The following KIAA1217 variants were observed in gnomAD, a reference collection of about 807,000 sequenced individuals.
KIAA1217 encodes KIAA1217, also known as sickle tail protein homolog.
In KIAA1217, 88 loss-of-function variants were observed where a neutral mutation model predicts 163.9. The observed-to-expected ratio is 0.54, with a 90% CI of 0.45 to 0.64. The LOEUF is 0.64. Among genes scored for constraint, KIAA1217 ranks in the 30% least tolerant of loss-of-function variants. KIAA1217 has a pLI of 0.00. For missense variants in KIAA1217, 2,372 were observed against 2,475.0 expected (o/e 0.96, Z 0.88); for synonymous variants, 903 against 923.1 (o/e 0.98, Z 0.39).
intron 1 of KIAA1217, among the ~76,000 whole-genome samples, chr10:23,874,294 A>G (rs1409091904): frequency 1.3e-5 from 2 of 151,946 alleles, no homozygotes; most frequent in African/African-American, 2.4e-5. Flanking sequence ...TTCTGAGCAA[A>G]GCTGTCACTT....
intron 1 of KIAA1217, among the ~76,000 whole-genome samples, chr10:23,960,073 G>A (rs1030230221): frequency 5.3e-5 from 8 of 150,734 alleles, no homozygotes; most frequent in Non-Finnish European, 3.0e-5. Flanking sequence ...CTGCCACCAC[G>A]CCCGGCTAAT....
At chr10:23,829,578 A>G (rs958942938) in intron 1 of KIAA1217, among the ~76,000 whole-genome samples, 11 of 152,302 alleles carry the variant, frequency 7.2e-5, no homozygotes, top group African/African-American at 1.9e-4. Flanking sequence ...TTTTTGCATG[A>G]CTCACTATTT....
At chr10:24,068,232 G>A (rs981365444) in intron 2 of KIAA1217, among the ~76,000 whole-genome samples, 4 of 152,162 alleles carry the variant, frequency 2.6e-5, no homozygotes, top group East Asian at 1.9e-4. Flanking sequence ...CTTCTGCGTC[G>A]CTCACACTGG....
intron 1 of KIAA1217, among the ~76,000 whole-genome samples, chr10:23,949,161 T>C (rs1256714854): frequency 2.6e-5 from 4 of 152,332 alleles, no homozygotes; most frequent in Non-Finnish European, 5.9e-5. Context: ...TGAAGTCTTC[T>C]TCAATACATT....
chr10:23,972,486 A>G (rs1368823994), intron 1 of KIAA1217, among the ~76,000 whole-genome samples: 2 of 152,174 alleles, frequency 1.3e-5, no homozygotes, highest in African/African-American at 4.8e-5. Flanking sequence ...GCTGGAAGCC[A>G]TCATTCTCAG....
rs377180715 is a variant in KIAA1217 at position 24,544,299 on chromosome 10, G to A, written c.5029G>A (p.Glu1677Lys). ...DSLEQTIKQL[E>K]NTISEMSPKA... ...CCTGGAGCAGACCATTAAACAGCTC[G>A]AAAATACAATCAGTGAAATGAGTCC... Residue 1677 changes from glutamate to lysine, a missense_variant, in exon 19 of 21, where the codon GAA becomes AAA. Coordinates refer to ENST00000376454, the MANE Select transcript of KIAA1217 (RefSeq NM_019590.5). The A allele has an allele frequency of 4.3e-6, 7 of 1,613,928 alleles. No individual in the cohort carries two copies. Among genetic ancestry groups the A allele is most frequent in the South Asian group, 2.2e-5 (2 of 91,068 alleles).
chr10:24,433,151 A>T lies in KIAA1217; in HGVS notation c.710A>T (p.Lys237Ile). 6.2e-7 allele frequency: 1 copy of T among 1,614,132 alleles called. No homozygotes were observed. Among genetic ancestry groups the T allele is most frequent in the Non-Finnish European group, 8.5e-7 (1 of 1,180,018 alleles). The change falls in exon 4 of 21, where the codon AAA (lysine) becomes ATA (isoleucine). Residue 237 changes from lysine to isoleucine, a missense_variant. Physicochemically the swap from Lys to Ile is moderately radical, Grantham distance 102. Transcript: ENST00000376454. ...LESPSVAIYI[K>I]DESRNVYYEL... ...TCGCCCAGTGTCGCCATTTACATCA[A>T]AGATGAAAGCAGAAATGTCTATTAT...
intron 1 of KIAA1217, among the ~76,000 whole-genome samples, chr10:23,819,569 C>T (rs1011808312): frequency 1.1e-4 from 17 of 152,138 alleles, no homozygotes; most frequent in African/African-American, 3.9e-4. Context: ...ATACATTCAG[C>T]TGAATGCAAA....
chr10:23,890,468 A>G (rs951368744), intron 1 of KIAA1217, among the ~76,000 whole-genome samples: 1 of 151,892 alleles, frequency 6.6e-6, no homozygotes, highest in African/African-American at 2.4e-5. Flanking sequence ...TTATTTTGAA[A>G]GGCTTTCTCA....
intron 2 of KIAA1217, among the ~76,000 whole-genome samples, chr10:24,272,772 A>G (rs1016195641): frequency 1.3e-5 from 2 of 152,240 alleles, no homozygotes; most frequent in African/African-American, 4.8e-5. Flanking sequence ...TGTGAAATAA[A>G]TCATATTCAA....
At chr10:24,462,571 G>A (rs1014841307) in intron 5 of KIAA1217, among the ~76,000 whole-genome samples, 2 of 152,168 alleles carry the variant, frequency 1.3e-5, no homozygotes, top group Non-Finnish European at 2.9e-5. Flanking sequence ...GCTGGGTGAG[G>A]TTCTTAACTC....
chr10:24,447,546 G>T (rs2061043615), intron 5 of KIAA1217, among the ~76,000 whole-genome samples: 1 of 152,142 alleles, frequency 6.6e-6, no homozygotes, highest in Admixed American at 6.5e-5. Flanking sequence ...CAGGGACAGG[G>T]TCTCCATTTC....
rs145138726 is a variant in KIAA1217, at chr10:23,927,527, A to C, written c.-320-79698A>C. Among the ~76,000 whole-genome samples the C allele has an allele frequency of 3.9e-5, 6 of 152,324 alleles. No homozygotes were observed. In the East Asian group the frequency reaches 1.2e-3, roughly 29 times the overall value. On this transcript the variant is annotated intron_variant, in intron 1 of 18. Coordinates refer to the KIAA1217 transcript ENST00000376462. Reference sequence around the variant, plus strand: ...AAATCAAATTTTATTTTCCTGTGAGAGAAGGATGACATGCTGTGAGATGCT... The same window carrying C: ...AAATCAAATTTTATTTTCCTGTGAGCGAAGGATGACATGCTGTGAGATGCT...
At chr10:24,353,395 G>A (rs1321843998) in intron 2 of KIAA1217, among the ~76,000 whole-genome samples, 1 of 152,172 alleles carries the variant, frequency 6.6e-6, no homozygotes, top group Non-Finnish European at 1.5e-5. Flanking sequence ...GACAGGAGGG[G>A]TGTTCCAGGA....
intron 1 of KIAA1217, among the ~76,000 whole-genome samples, chr10:23,799,032 T>G (rs1836345348): frequency 6.6e-6 from 1 of 152,208 alleles, no homozygotes. Context: ...GTGCCATGCC[T>G]CTTTCCCAGC....
chr10:24,402,516 C>CAAACAAAAAAAAAAAAAA (rs1554849270), intron 3 of KIAA1217, among the ~76,000 whole-genome samples: 1 of 92,988 alleles, frequency 1.1e-5, no homozygotes, highest in Admixed American at 1.2e-4. Flanking sequence ...CTCAAAAAAA[C>CAAACAAAAAAAAAAAAAA]AAAAAACAAA....
At chr10:23,739,324 T>C (rs939923145) in intron 1 of KIAA1217, among the ~76,000 whole-genome samples, 3 of 152,182 alleles carry the variant, frequency 2.0e-5, no homozygotes, top group African/African-American at 7.2e-5. Context: ...AAAGCCAAGA[T>C]TTGACCACTA....
intron 3 of KIAA1217, among the ~76,000 whole-genome samples, chr10:24,398,207 G>A (rs919236099): frequency 2.0e-5 from 3 of 152,116 alleles, no homozygotes; most frequent in Admixed American, 6.6e-5. Flanking sequence ...CATAAAGTAA[G>A]CTATAGAAAA....
At chr10:24,437,906 C>CAAAAAAAAAA (rs58645832) in intron 4 of KIAA1217, among the ~76,000 whole-genome samples, 4 of 63,694 alleles carry the variant, frequency 6.3e-5, no homozygotes, top group African/African-American at 2.0e-4. Context: ...TGTTTGAAGG[C>CAAAAAAAAAA]AAAAAAAAAA....
Sources: gnomAD v4.1 joint callset for allele counts (sites outside exome capture counted in the v4.1 genomes callset) on GRCh38, gnomAD v4.1.1 for gene constraint, MANE v1.5 for transcripts, NCBI Gene and HGNC (gene_info 2026-07-23, HGNC 2026-07-21) for gene names.